Variants in BRWD1 observed in about 807,000 individuals in gnomAD.
BRWD1 encodes bromodomain and WD repeat-containing protein 1.
In BRWD1, 82 loss-of-function variants were observed where a neutral mutation model predicts 251.2. That is an observed-to-expected ratio of 0.33 (90% CI 0.27 to 0.39). BRWD1 has a LOEUF of 0.39. BRWD1 is among the 10% of genes least tolerant of loss of function. The probability of loss-of-function intolerance (pLI) is 1.00; values close to 1 mark genes in which losing one functional copy is unlikely to be tolerated. For missense variants in BRWD1, 2,233 were observed against 2,711.6 expected, an observed-to-expected ratio of 0.82 and a Z score of 3.92; for synonymous variants, 918 against 902.8, an observed-to-expected ratio of 1.02 and a Z score of -0.30.
intron 23 of BRWD1, 145 bp downstream of exon 23, chr21:39,236,450 T>C: frequency 2.8e-6 from 2 of 709,696 alleles, no homozygotes; most frequent in Non-Finnish European, 4.5e-6. Flanking sequence ...GGCTGACAGC[T>C]CGCCCAGACC....
intron 21 of BRWD1, among the ~76,000 whole-genome samples, chr21:39,241,998 G>C (rs1410223796): frequency 1.3e-5 from 2 of 152,164 alleles, no homozygotes; most frequent in Non-Finnish European, 2.9e-5. Context: ...TCTATTCCCT[G>C]AGATACAATA....
chr21:39,316,711 A>G (rs1178343863), upstream of BRWD1, among the ~76,000 whole-genome samples: 1 of 152,226 alleles, frequency 6.6e-6, no homozygotes, highest in African/African-American at 2.4e-5. Flanking sequence ...GGCCAAGGCC[A>G]GAGGACTGCT....
At chr21:39,289,004 G>A (rs1436160008) in intron 8 of BRWD1, among the ~76,000 whole-genome samples, 1 of 152,200 alleles carries the variant, frequency 6.6e-6, no homozygotes, top group Non-Finnish European at 1.5e-5. Context: ...CTGGCTGTTA[G>A]TAATTTCTGG....
intron 21 of BRWD1, among the ~76,000 whole-genome samples, chr21:39,245,622 A>C (rs1187542177): frequency 6.7e-6 from 1 of 150,358 alleles, no homozygotes; most frequent in Non-Finnish European, 1.5e-5. Context: ...TTTTTGAAAC[A>C]AGAGTCTCGC....
chr21:39,270,402 T>C lies in BRWD1; in HGVS notation c.1276A>G (p.Lys426Glu). ...DLSSEEERFM[K>E]PKVTMIAWNQ... is the part of the protein sequence containing the mutation. ...CAAGCTATCATTGTTACTTTAGGTTTCATAAACCTTTCCTCTTCGGAAGAT... is the reference window on the plus strand; with the variant it reads ...CAAGCTATCATTGTTACTTTAGGTTCCATAAACCTTTCCTCTTCGGAAGAT... The change falls in exon 14 of 41, where the codon AAA (lysine) becomes GAA (glutamate). Residue 426 changes from lysine (K) to glutamate (E), a missense_variant. Physicochemically the swap from Lys to Glu is moderately conservative, Grantham distance 56. Coordinates refer to ENST00000342449, the MANE Select transcript of BRWD1 (RefSeq NM_033656.4). The C allele has an allele frequency of 6.2e-7, 1 of 1,611,136 alleles. No homozygotes were observed. Among genetic ancestry groups the C allele is most frequent in the South Asian group, 1.1e-5 (1 of 90,328 alleles).
At chr21:39,266,064 T>TA (rs2034909913) in intron 15 of BRWD1, among the ~76,000 whole-genome samples, 1 of 152,182 alleles carries the variant, frequency 6.6e-6, no homozygotes, top group African/African-American at 2.4e-5. Context: ...AACTAAATGT[T>TA]ACGCGTTCGG....
chr21:39,198,870 A>C lies in BRWD1; in HGVS notation c.5546T>G (p.Leu1849Arg). ...GGACATAGCAATAGGGTCACAGTTCAGATTTCCTGAAATTGGGTTCATTTC... is the reference window on the plus strand; with the variant it reads ...GGACATAGCAATAGGGTCACAGTTCCGATTTCCTGAAATTGGGTTCATTTC... ...KMEMNPISGN[L>R]NCDPIAMSQC... Residue 1849 changes from leucine to arginine, a missense_variant, in exon 40 of 41, where the codon CTG (leucine) becomes CGG (arginine). By Grantham distance (102) the Leu-to-Arg change is moderately radical. Coordinates refer to ENST00000342449, the MANE Select transcript of BRWD1 (RefSeq NM_033656.4). 6.2e-7 allele frequency: 1 copy of C among 1,614,178 alleles called. No individual in the cohort carries two copies.
Position 39,196,740 on chromosome 21 carries a change from C to A in BRWD1, c.6329G>T (p.Ser2110Ile). The A allele has an allele frequency of 6.2e-7, 1 of 1,613,664 alleles. No homozygotes were observed. The highest frequency in any genetic ancestry group is 2.2e-5 in the East Asian group (1 of 44,882). Residue 2110 changes from serine to isoleucine, a missense_variant, in exon 41 of 41, where the codon AGT (serine) becomes ATT (isoleucine). This residue lies in a region of BRWD1 where 928 missense variants were observed against 970.0 expected (regional missense o/e 0.96). Coordinates refer to ENST00000342449, the MANE Select transcript of BRWD1 (RefSeq NM_033656.4). ...RLRTYGKAPF[S>I]KTKVIHDSQE... ...TGAATCATGAATCACTTTTGTCTTA[C>A]TAAAAGGAGCCTTTCCATAGGTCCT...
intron 18 of BRWD1, among the ~76,000 whole-genome samples, chr21:39,258,006 A>G (rs2034617689): frequency 6.6e-6 from 1 of 152,196 alleles, no homozygotes; most frequent in African/African-American, 2.4e-5. Context: ...TGGACTAGAA[A>G]CAAAGTAAAT....
rs1568850300 is a variant in BRWD1 at position 39,195,033 on chromosome 21, G to T, written c.*1226C>A. On this transcript the variant is annotated 3_prime_UTR_variant, in exon 41 of 41. Transcript: ENST00000342449. ...AGTAGCATAACCTATCAAGTATTTG[G>T]TTAGAAAATAAGTGTACTATTTGTG... 2.2e-6 allele frequency: 3 copies of T among 1,348,648 alleles called. No homozygotes were observed. The East Asian group carries it at 8.6e-5, about 39-fold the overall frequency. 83.5% of individuals were successfully genotyped at this position (1,348,648 alleles called of 1,614,324 possible).
chr21:39,282,867 G>T (rs1332815605), intron 8 of BRWD1, among the ~76,000 whole-genome samples: 1 of 151,022 alleles, frequency 6.6e-6, no homozygotes, highest in Non-Finnish European at 1.5e-5. Context: ...GCTGAGGCAG[G>T]AGAATCGCTT....
upstream of BRWD1, chr21:39,313,769 C>A (rs574720727): frequency 2.5e-6 from 1 of 393,590 alleles, no homozygotes; most frequent in Non-Finnish European, 4.6e-6. Flanking sequence ...TCGCTCAGCT[C>A]TCTGCCTCCG....
chr21:39,274,563 A>C (rs1327169475), intron 12 of BRWD1, 91 bp from the exon 13 acceptor site: 1 of 1,022,176 alleles, frequency 9.8e-7, no homozygotes, highest in Non-Finnish European at 1.5e-6. Flanking sequence ...GAATGTAATG[A>C]AGCTGTCCTA....
chr21:39,255,599 T>C (rs528347291), intron 19 of BRWD1, 46 bp downstream of exon 19: 1 of 1,489,062 alleles, frequency 6.7e-7, no homozygotes, highest in South Asian at 1.1e-5. Flanking sequence ...CATATAAATA[T>C]ATTTTCACAG....
chr21:39,272,620 T>TC (rs1422324263), intron 13 of BRWD1, among the ~76,000 whole-genome samples: 1 of 150,964 alleles, frequency 6.6e-6, no homozygotes, highest in African/African-American at 2.4e-5. Context: ...TTTTTTTTTT[T>TC]TTTTTGAGGT....
Position 39,199,113 on chromosome 21 carries a change from G to A in BRWD1, c.5303C>T (p.Ala1768Val). The change falls in exon 40 of 41, where the codon GCA becomes GTA. Residue 1768 changes from alanine (A) to valine (V), a missense_variant. Transcript: ENST00000342449. ...TGATGGGCCAGCAGTTCTGTTACAT[G>A]CATGATCTGAATCATGACTTTTAGA... ...EDSKSHDSDH[A>V]CNRTAGPSTS... The A allele has an allele frequency of 1.9e-6, 3 of 1,613,940 alleles. No homozygotes were observed. The highest frequency in any genetic ancestry group is 2.5e-6 in the Non-Finnish European group (3 of 1,179,956).
At chr21:39,279,843 T>C (rs968668079) in intron 9 of BRWD1, among the ~76,000 whole-genome samples, 1 of 152,138 alleles carries the variant, frequency 6.6e-6, no homozygotes, top group East Asian at 1.9e-4. Flanking sequence ...ACAGGTCTTA[T>C]GACTCTCAAA....
chr21:39,217,045 ATATATT>A (rs1568877870), intron 31 of BRWD1: 12 of 17,598 alleles, frequency 6.8e-4, no homozygotes, highest in Non-Finnish European at 9.2e-4. Context: ...AAATATATAT[ATATATT>A]TATATATATA....
At position 39,312,573 on chromosome 21, in the gene BRWD1, C is replaced by T. The variant is rs1236930838; in HGVS notation, c.198+268G>A. On this transcript the variant is annotated intron_variant, in intron 4 of 40. Transcript: ENST00000342449. Reference sequence around the variant, plus strand: ...CACACCCCCGCAGAGGCGGCCGCACCTGGAGCCCCACCCCTGCCGCAGGAC... The same window carrying T: ...CACACCCCCGCAGAGGCGGCCGCACTTGGAGCCCCACCCCTGCCGCAGGAC... 5 of 340,660 alleles carry T rather than the reference C, an allele frequency of 1.5e-5. No homozygotes were observed. In the South Asian group the frequency reaches 1.8e-4, roughly 12 times the overall value. 21.1% of individuals were successfully genotyped at this position (340,660 alleles called of 1,614,324 possible).
Sources: allele counts gnomAD v4.1 joint callset (sites outside exome capture counted in the v4.1 genomes callset), GRCh38; gene constraint gnomAD v4.1.1; regional missense constraint gnomAD v4.1.1; transcripts MANE v1.5; gene names NCBI Gene and HGNC (gene_info 2026-07-23, HGNC 2026-07-21).